Variants in KIAA1549L observed in about 807,000 individuals in gnomAD.
The protein encoded by KIAA1549L is UPF0606 protein KIAA1549L.
Under a neutral mutation model 160.7 loss-of-function variants are expected in KIAA1549L, and 88 were observed. The observed-to-expected ratio is 0.55, with a 90% confidence interval of 0.46 to 0.65. KIAA1549L has a LOEUF of 0.65. Ranked by LOEUF, KIAA1549L falls within the 30% of genes least tolerant of loss-of-function variation. The probability of loss-of-function intolerance (pLI) is 0.00; values close to 1 mark genes in which losing one functional copy is unlikely to be tolerated. For synonymous variants in KIAA1549L, 950 were observed against 976.7 expected (o/e 0.97, Z 0.51); for missense variants, 2,258 against 2,437.5 (o/e 0.93, Z 1.55).
rs368321460 is a variant in KIAA1549L at position 33,577,070 on chromosome 11, G to C, written c.4402+2197G>C. 1.4e-4 allele frequency among the ~76,000 whole-genome samples: 22 copies of C among 152,276 alleles called. No homozygotes were observed. The East Asian group carries it at 3.3e-3, about 23-fold the overall frequency. On this transcript the variant is annotated intron_variant, in intron 10 of 20. Transcript: ENST00000658780. ...AGAGTGAGTAGAGGACACTGACCAG[G>C]AGCAGCCAGGGAGATGGGAGGAGAG...
intron 1 of KIAA1549L, chr11:33,403,351 A>ACACATG (rs1850568244): frequency 8.7e-6 from 1 of 114,564 alleles, no homozygotes; most frequent in African/African-American, 3.2e-5. Flanking sequence ...ACACGCAGAC[A>ACACATG]GACACACACA....
chr11:33,399,667 A>C (rs1850458313), intron 1 of KIAA1549L, among the ~76,000 whole-genome samples: 1 of 152,104 alleles, frequency 6.6e-6, no homozygotes, highest in African/African-American at 2.4e-5. Context: ...CTCACCCTCC[A>C]GGGTTTATTT....
At chr11:33,485,626 T>A (rs2133056347) in intron 1 of KIAA1549L, among the ~76,000 whole-genome samples, 1 of 152,342 alleles carries the variant, frequency 6.6e-6, no homozygotes, top group East Asian at 1.9e-4. Context: ...CCTCACATTT[T>A]TATCATTTTT....
At chr11:33,432,698 A>G (rs1851274881) in intron 1 of KIAA1549L, among the ~76,000 whole-genome samples, 1 of 152,242 alleles carries the variant, frequency 6.6e-6, no homozygotes, top group Admixed American at 6.5e-5. Flanking sequence ...ACAAGTCTAC[A>G]GTAACCAAAA....
chr11:33,561,903 A>G (rs1372916673), intron 8 of KIAA1549L, among the ~76,000 whole-genome samples, 168 bp downstream of exon 8: 1 of 152,216 alleles, frequency 6.6e-6, no homozygotes, highest in African/African-American at 2.4e-5. Flanking sequence ...CTGAGATGAG[A>G]AAAGACATCA....
chr11:33,610,953 G>A (rs1850633407), intron 15 of KIAA1549L, among the ~76,000 whole-genome samples: 1 of 152,218 alleles, frequency 6.6e-6, no homozygotes, highest in African/African-American at 2.4e-5. Flanking sequence ...CCACCCATGA[G>A]GAGGAGCCCT....
intron 20 of KIAA1549L, among the ~76,000 whole-genome samples, chr11:33,666,301 C>T (rs990347077): frequency 1.3e-5 from 2 of 152,234 alleles, no homozygotes; most frequent in African/African-American, 4.8e-5. Flanking sequence ...GTGTGCAGCC[C>T]TAGCCACGCA....
At chr11:33,433,199 G>A (rs1447714450) in intron 1 of KIAA1549L, among the ~76,000 whole-genome samples, 1 of 152,046 alleles carries the variant, frequency 6.6e-6, no homozygotes, top group Non-Finnish European at 1.5e-5. Context: ...ATCTGACAAA[G>A]GTCAGAACTT....
intron 1 of KIAA1549L, among the ~76,000 whole-genome samples, chr11:33,430,045 T>TC (rs1554976203): frequency 6.2e-5 from 8 of 128,894 alleles, no homozygotes; most frequent in African/African-American, 9.8e-5. Context: ...CTTCCTTCCT[T>TC]CCTCCCTTCC....
intron 8 of KIAA1549L, among the ~76,000 whole-genome samples, chr11:33,567,171 G>A (rs957253329): frequency 2.0e-5 from 3 of 152,200 alleles, no homozygotes; most frequent in Admixed American, 6.5e-5. Context: ...GACTGCAGAT[G>A]CCCTGGCTAT....
intron 1 of KIAA1549L, among the ~76,000 whole-genome samples, chr11:33,464,704 C>G (rs1447573999): frequency 6.6e-6 from 1 of 152,166 alleles, no homozygotes; most frequent in East Asian, 1.9e-4. Flanking sequence ...AGATCCACAT[C>G]TGTTCAAATC....
Position 33,668,777 on chromosome 11 carries a change from G to T in KIAA1549L, c.*623G>T, listed in dbSNP as rs772864667. 6.6e-6 allele frequency: 1 copy of T among 152,094 alleles called. No individual in the cohort carries two copies. The highest frequency in any genetic ancestry group is 1.5e-5 in the Non-Finnish European group (1 of 68,070). 9.4% of individuals were successfully genotyped at this position (152,094 alleles called of 1,614,324 possible). ...ATAGACCTGATTCTTTGTTTCCCTCGTCAATTAAACAAAGGCCAAGAAAGA... is the reference window on the plus strand; with the variant it reads ...ATAGACCTGATTCTTTGTTTCCCTCTTCAATTAAACAAAGGCCAAGAAAGA... On this transcript the variant is annotated 3_prime_UTR_variant, in exon 21 of 21. Transcript: ENST00000658780.
At chr11:33,612,549 G>A (rs182746372) in intron 15 of KIAA1549L, among the ~76,000 whole-genome samples, 56 of 151,922 alleles carry the variant, frequency 3.7e-4, no homozygotes, top group East Asian at 9.7e-4. Flanking sequence ...GAGCCACTGC[G>A]CCCAGCCAAC....
At chr11:33,474,886 T>G (rs1297498657) in intron 1 of KIAA1549L, among the ~76,000 whole-genome samples, 1 of 152,232 alleles carries the variant, frequency 6.6e-6, no homozygotes, top group Non-Finnish European at 1.5e-5. Context: ...GTGGAGGAAT[T>G]CTAATTATTT....
intron 12 of KIAA1549L, 26 bp downstream of exon 12, chr11:33,591,447 C>T (rs372333372): frequency 7.7e-6 from 12 of 1,554,324 alleles, no homozygotes; most frequent in Non-Finnish European, 9.6e-6. Flanking sequence ...ACTTCTGCCT[C>T]TCTGTGTCAG....
intron 1 of KIAA1549L, among the ~76,000 whole-genome samples, chr11:33,534,403 A>AT (rs1184277738): frequency 6.6e-6 from 1 of 151,886 alleles, no homozygotes; most frequent in Non-Finnish European, 1.5e-5. Context: ...GCTTTCCACA[A>AT]TTTTTTTGAA....
At chr11:33,605,927 T>G (rs1590390617) in intron 13 of KIAA1549L, among the ~76,000 whole-genome samples, 1 of 152,328 alleles carries the variant, frequency 6.6e-6, no homozygotes, top group East Asian at 1.9e-4. Context: ...GGCAGACTGG[T>G]GTCTTTTAGC....
chr11:33,510,018 G>T (rs1317490430), intron 1 of KIAA1549L, among the ~76,000 whole-genome samples: 1 of 152,148 alleles, frequency 6.6e-6, no homozygotes, highest in Non-Finnish European at 1.5e-5. Flanking sequence ...GGAGGCTTTG[G>T]AACTGGCTGC....
chr11:33,405,262 A>G (rs1413251404), intron 1 of KIAA1549L, among the ~76,000 whole-genome samples: 1 of 152,144 alleles, frequency 6.6e-6, no homozygotes, highest in African/African-American at 2.4e-5. Context: ...CATTGGTGTA[A>G]ACAGAATAAA....
Sources: allele counts gnomAD v4.1 joint callset (sites outside exome capture counted in the v4.1 genomes callset), GRCh38; gene constraint gnomAD v4.1.1; transcripts MANE v1.5; gene names NCBI Gene and HGNC (gene_info 2026-07-23, HGNC 2026-07-21).